PLXNB3: variants seen among roughly 807,000 people sequenced by gnomAD.
PLXNB3 encodes plexin B3, also known as plexin-B3.
PLXNB3 carries 80 observed loss-of-function variants against 125.7 expected under a neutral mutation model. The ratio of observed to expected loss-of-function variants is 0.64; its 90% CI spans 0.53 to 0.77. The LOEUF (loss-of-function observed/expected upper bound fraction) is 0.77. PLXNB3 is among the 30% of genes least tolerant of loss of function. The pLI is 0.00. For synonymous variants in PLXNB3, 954 were observed against 783.3 expected (o/e 1.22, Z -3.64); for missense variants, 1,836 against 1,729.3 (o/e 1.06, Z -1.09).
chrX:153,773,407 G>A lies in PLXNB3; in HGVS notation c.3083+1G>A. On this transcript the variant is annotated splice_donor_variant, in intron 18 of 35. Coordinates refer to ENST00000361971, the MANE Select transcript of PLXNB3 (RefSeq NM_005393.3). LOFTEE classifies it high-confidence loss of function. The stretch of plus-strand genomic sequence containing the variant: ...CGGAGCCCAGTGCCAGCTTCCGGGG[G>A]TGAGGGTCAGCCCGCAGGCCAGCCT... 1 of 1,200,174 alleles carries A rather than the reference G, an allele frequency of 8.3e-7. No homozygotes were observed. The highest frequency in any genetic ancestry group is 1.1e-6 in the Non-Finnish European group (1 of 889,371).
chrX:153,766,972 G>A lies in PLXNB3; in HGVS notation c.145G>A (p.Ala49Thr), dbSNP rs782170598. Reference sequence around the variant, plus strand: ...CTTGACAGGGGCCCATCGCTTCTCCGCACCTAATACCACTCTCAACCACTT... The same window carrying A: ...CTTGACAGGGGCCCATCGCTTCTCCACACCTAATACCACTCTCAACCACTT... Reference protein sequence around the residue: ...LPLTGAHRFSAPNTTLNHLAL... With the variant: ...LPLTGAHRFSTPNTTLNHLAL... Residue 49 changes from alanine (A) to threonine (T), a missense_variant, in exon 3 of 36, where the codon GCA becomes ACA. Ala to Thr is a moderately conservative substitution (Grantham distance 58). Transcript: ENST00000361971. 6 of 1,210,553 alleles carry A rather than the reference G, an allele frequency of 5.0e-6. No individual in the cohort carries two copies. The highest frequency in any genetic ancestry group is 3.0e-5 in the East Asian group (1 of 33,820).
At chrX:153,776,805 G>A in intron 28 of PLXNB3, 82 bp from the exon 29 acceptor site, 1 of 585,752 alleles carries the variant, frequency 1.7e-6, no homozygotes, top group Non-Finnish European at 2.5e-6. Flanking sequence ...CTGGGGCGGG[G>A]AAGGGCGAGG....
chrX:153,771,747 G>A, intron 14 of PLXNB3, 92 bp downstream of exon 14: 1 of 1,126,661 alleles, frequency 8.9e-7, no homozygotes, highest in East Asian at 3.2e-5. Flanking sequence ...CCCTGCCCCA[G>A]GCCCCCAAAC....
In PLXNB3 at chrX:153,778,013, C is replaced by T. The variant is rs1184187177; in HGVS notation, c.5327C>T (p.Ser1776Leu). The T allele has an allele frequency of 3.3e-6, 4 of 1,210,432 alleles. No homozygotes were observed. Among genetic ancestry groups the T allele is most frequent in the African/African-American group, 1.7e-5 (1 of 57,590 alleles). The change falls in exon 32 of 36, where the codon TCG becomes TTG. Residue 1776 changes from serine to leucine, a missense_variant. Coordinates refer to ENST00000361971, the MANE Select transcript of PLXNB3 (RefSeq NM_005393.3). ...NPQLIFDVRVSDNVDAILAVI... is the reference protein window; with the variant it reads ...NPQLIFDVRVLDNVDAILAVI... ...CAGCTCATCTTTGATGTACGGGTGT[C>T]GGACAATGTGGACGCCATCCTTGCT... is the stretch of plus-strand genomic sequence containing the variant.
chrX:153,774,058 G>C lies in PLXNB3; in HGVS notation c.3479G>C (p.Arg1160Pro). 1 of 1,189,985 alleles carries C rather than the reference G, an allele frequency of 8.4e-7. No individual in the cohort carries two copies. Among genetic ancestry groups the C allele is most frequent in the Middle Eastern group, 2.4e-4 (1 of 4,232 alleles). Residue 1160 changes from arginine (R) to proline (P), a missense_variant, in exon 20 of 36, where the codon CGC becomes CCC. Arg to Pro is a moderately radical substitution (Grantham distance 103, BLOSUM62 -2). Coordinates refer to ENST00000361971, the MANE Select transcript of PLXNB3 (RefSeq NM_005393.3). ...LAPLSREGPA[R>P]PYRLKPGHVL... ...CCCCTCAGCCGCGAGGGGCCTGCCCGCCCCTACCGCCTCAAGCCAGGCCAT... is the reference window on the plus strand; with the variant it reads ...CCCCTCAGCCGCGAGGGGCCTGCCCCCCCCTACCGCCTCAAGCCAGGCCAT...
chrX:153,769,721 C>A lies in PLXNB3; in HGVS notation c.1497-86C>A, dbSNP rs190575027. 58 of 1,007,704 alleles carry A rather than the reference C, an allele frequency of 5.8e-5. No individual in the cohort carries two copies. The East Asian group carries it at 1.9e-3, about 34-fold the overall frequency. 83.0% of individuals were successfully genotyped at this position (1,007,704 alleles called of 1,213,427 possible). The stretch of plus-strand genomic sequence containing the variant: ...CTCATTGCACCCCACTGCACTCCAG[C>A]TGGGCCGGCCTCCCCAGGCCCCTGT... On this transcript the variant is annotated intron_variant, in intron 6 of 35. Transcript: ENST00000361971.
In PLXNB3 at chrX:153,776,129, C is replaced by T. The variant is rs1557064074; in HGVS notation, c.4644C>T (p.Ile1548=). Reference sequence around the variant, plus strand: ...CCCGGGTGCTCGACACGGACACCATCACCCAGGTCAAGGAGAAGGTGTTGG... The same window carrying T: ...CCCGGGTGCTCGACACGGACACCATTACCCAGGTCAAGGAGAAGGTGTTGG... ...VPARVLDTDT[I]TQVKEKVLDQ... The change falls in exon 27 of 36, where the codon ATC becomes ATT. Residue 1548 remains isoleucine, a synonymous_variant. Coordinates refer to ENST00000361971, the MANE Select transcript of PLXNB3 (RefSeq NM_005393.3). 8.3e-7 allele frequency: 1 copy of T among 1,204,391 alleles called. No homozygotes were observed. Among genetic ancestry groups the T allele is most frequent in the Admixed American group, 2.2e-5 (1 of 45,673 alleles).
At position 153,767,278 on chromosome X, in the gene PLXNB3, G is replaced by T; in HGVS notation, c.451G>T (p.Val151Leu). The T allele has an allele frequency of 3.3e-6, 4 of 1,206,802 alleles. No homozygotes were observed. Among genetic ancestry groups the T allele is most frequent in the Non-Finnish European group, 3.4e-6 (3 of 893,254 alleles). Residue 151 changes from valine (V) to leucine (L), a missense_variant, in exon 3 of 36, where the codon GTG becomes TTG. Physicochemically the swap from Val to Leu is conservative, Grantham distance 32. Transcript: ENST00000361971. Reference protein sequence around the residue: ...ETRRLGDVAEVLYQAEDPGDG... With the variant: ...ETRRLGDVAELLYQAEDPGDG... ...ACGGCGCCTTGGGGATGTGGCCGAG[G>T]TGCTGTACCAGGCTGAGGACCCTGG...
intron 8 of PLXNB3, 31 bp downstream of exon 8, chrX:153,770,279 T>C: frequency 8.3e-7 from 1 of 1,205,160 alleles, no homozygotes; most frequent in Non-Finnish European, 1.1e-6. Flanking sequence ...GGGGCTGGGA[T>C]GGAGGCTGGA....
At position 153,767,094 on chromosome X, in the gene PLXNB3, T is replaced by C. The variant is rs1557059499; in HGVS notation, c.267T>C (p.Thr89=). The C allele has an allele frequency of 5.0e-6, 6 of 1,209,077 alleles. No individual in the cohort carries two copies. The highest frequency in any genetic ancestry group is 5.6e-6 in the Non-Finnish European group (5 of 894,747). The change falls in exon 3 of 36, where the codon ACT becomes ACC. Residue 89 remains threonine (T), a synonymous_variant. Transcript: ENST00000361971. ...PELQLEAVAV[T]GPVIDSPDCV... Reference sequence around the variant, plus strand: ...TGCAGCTCGAGGCCGTGGCTGTCACTGGCCCTGTAATCGACAGCCCTGACT... The same window carrying C: ...TGCAGCTCGAGGCCGTGGCTGTCACCGGCCCTGTAATCGACAGCCCTGACT...
In PLXNB3 at chrX:153,768,967, A is replaced by G. The variant is rs782438257; in HGVS notation, c.1286A>G (p.Gln429Arg). The change falls in exon 5 of 36, where the codon CAG (glutamine) becomes CGG (arginine). Residue 429 changes from glutamine to arginine, a missense_variant. Physicochemically the swap from Gln to Arg is conservative, Grantham distance 43. Transcript: ENST00000361971. The part of the protein sequence containing the change: ...QLYKVFLHGS[Q>R]GQVYHSQQVG... ...ACTCAGGTCTTTCTCCACGGCTCCC[A>G]GGGCCAGGTTTACCACTCCCAGCAA... is the stretch of plus-strand genomic sequence containing the variant. 2.0e-5 allele frequency: 24 copies of G among 1,209,994 alleles called. No homozygotes were observed. Among genetic ancestry groups the G allele is most frequent in the Non-Finnish European group, 2.7e-5 (24 of 894,839 alleles).
Position 153,768,966 on chromosome X carries a change from C to T in PLXNB3, c.1285C>T (p.Gln429Ter). 8.3e-7 allele frequency: 1 copy of T among 1,211,486 alleles called. No individual in the cohort carries two copies. The highest frequency in any genetic ancestry group is 1.1e-6 in the Non-Finnish European group (1 of 895,147). Reference sequence around the variant, plus strand: ...CACTCAGGTCTTTCTCCACGGCTCCCAGGGCCAGGTTTACCACTCCCAGCA... The same window carrying T: ...CACTCAGGTCTTTCTCCACGGCTCCTAGGGCCAGGTTTACCACTCCCAGCA... ...QLYKVFLHGS[Q>*]GQVYHSQQVG... The change falls in exon 5 of 36, where the codon CAG becomes TAG. Residue 429 changes from glutamine to a stop codon, truncating the protein, a stop_gained. Coordinates refer to ENST00000361971, the MANE Select transcript of PLXNB3 (RefSeq NM_005393.3). LOFTEE classifies it high-confidence loss of function.
intron 27 of PLXNB3, 39 bp from the exon 28 acceptor site, chrX:153,776,317 A>T: frequency 9.2e-7 from 1 of 1,088,244 alleles, no homozygotes; most frequent in Non-Finnish European, 1.3e-6. Context: ...GGGCGTGGAG[A>T]GCAGGCTGTA....
rs2091972888 is a variant in PLXNB3, at chrX:153,775,195, TC to T, written c.4156-27del. The T allele has an allele frequency of 4.3e-6, 5 of 1,154,313 alleles. No homozygotes were observed. In the East Asian group the frequency reaches 1.6e-4, roughly 36 times the overall value. ...ACAAAGGTGGGGGAGGAGTGGGGCT[TC>T]CCAGGATGAGCCTCCGACCCCTGCT... On this transcript the variant is annotated intron_variant, in intron 24 of 35. Coordinates refer to ENST00000361971, the MANE Select transcript of PLXNB3 (RefSeq NM_005393.3).
At chrX:153,766,799 A>C in intron 2 of PLXNB3, 74 bp from the exon 3 acceptor site, 1 of 1,105,178 alleles carries the variant, frequency 9.0e-7, no homozygotes, top group Admixed American at 3.1e-5. Flanking sequence ...GCCTCTGTCC[A>C]CCCCACCTTC....
rs1448968248 is a variant in PLXNB3 at position 153,778,037 on chromosome X, C to T, written c.5351C>T (p.Ala1784Val). Residue 1784 changes from alanine to valine, a missense_variant, in exon 32 of 36, where the codon GCT becomes GTT. Coordinates refer to ENST00000361971, the MANE Select transcript of PLXNB3 (RefSeq NM_005393.3). Reference sequence around the variant, plus strand: ...TCGGACAATGTGGACGCCATCCTTGCTGTCATCGCCCAGACCTTCATTGAC... The same window carrying T: ...TCGGACAATGTGGACGCCATCCTTGTTGTCATCGCCCAGACCTTCATTGAC... ...RVSDNVDAILAVIAQTFIDSC... is the reference protein window; with the variant it reads ...RVSDNVDAILVVIAQTFIDSC... The T allele has an allele frequency of 5.0e-6, 6 of 1,210,774 alleles. No homozygotes were observed. The highest frequency in any genetic ancestry group is 5.9e-5 in the East Asian group (2 of 33,804).
chrX:153,766,506 T>C, intron 2 of PLXNB3: 1 of 1,002,574 alleles, frequency 1.0e-6, no homozygotes, highest in South Asian at 3.1e-5. Flanking sequence ...CTGCCCCCTC[T>C]GTGACTCACA....
rs909462323 is a variant in PLXNB3 at position 153,767,656 on chromosome X, G to A, written c.829G>A (p.Val277Met). Residue 277 changes from valine (V) to methionine (M), a missense_variant, in exon 3 of 36, where the codon GTG becomes ATG. By Grantham distance (21) the Val-to-Met change is conservative (BLOSUM62 1). Coordinates refer to ENST00000361971, the MANE Select transcript of PLXNB3 (RefSeq NM_005393.3). ...GGGGGACACCAACCTGTACTCCTAC[G>A]TGGAGGTCCCCCTCGCCTGCCAGGG... ...CLGDTNLYSY[V>M]EVPLACQGQG... 5.9e-6 allele frequency: 7 copies of A among 1,193,914 alleles called. No individual in the cohort carries two copies. Among genetic ancestry groups the A allele is most frequent in the South Asian group, 1.8e-5 (1 of 54,624 alleles).
Position 153,765,981 on chromosome X carries a change from C to T in PLXNB3, c.45+401C>T, listed in dbSNP as rs1403115888. The T allele has an allele frequency of 6.7e-6, 5 of 751,183 alleles. No homozygotes were observed. The East Asian group carries it at 6.1e-4, about 92-fold the overall frequency. The allele number at this position is 751,183 out of a possible 1,213,427, so 61.9% of individuals were successfully genotyped here. ...AGTCTGGCACCCCTCCCTGCCCCTT[C>T]CCTGACCCCTCCCCCAGCCAGCTCT... is the stretch of plus-strand genomic sequence containing the variant. On this transcript the variant is annotated intron_variant, in intron 2 of 35. Transcript: ENST00000361971.
Sources: allele counts gnomAD v4.1 joint callset, GRCh38; gene constraint gnomAD v4.1.1; transcripts MANE v1.5; gene names NCBI Gene and HGNC (gene_info 2026-07-23, HGNC 2026-07-21).